SEC22C: variants seen among roughly 807,000 people sequenced by gnomAD.
SEC22C encodes vesicle-trafficking protein SEC22c.
SEC22C carries 29 observed loss-of-function variants against 34.7 expected under a neutral mutation model. The ratio of observed to expected loss-of-function variants is 0.84; its 90% CI spans 0.62 to 1.14. SEC22C has a LOEUF of 1.14. Among genes scored for constraint, SEC22C ranks in the 50% most tolerant of loss-of-function variants. The probability of loss-of-function intolerance (pLI) is 0.00; values close to 1 mark genes in which losing one functional copy is unlikely to be tolerated. For missense variants in SEC22C, 337 were observed against 369.0 expected, an observed-to-expected ratio of 0.91 and a Z score of 0.71; for synonymous variants, 117 against 132.8, an observed-to-expected ratio of 0.88 and a Z score of 0.82.
chr3:42,567,632 G>A (rs968610203), intron 2 of SEC22C, among the ~76,000 whole-genome samples: 2 of 152,112 alleles, frequency 1.3e-5, no homozygotes, highest in African/African-American at 4.8e-5. Context: ...GTAATCACTT[G>A]ATTCCTACTT....
At chr3:42,600,203 G>A (rs1392966020) in intron 1 of SEC22C, among the ~76,000 whole-genome samples, 2 of 152,156 alleles carry the variant, frequency 1.3e-5, no homozygotes, top group Non-Finnish European at 2.9e-5. Context: ...AGTGACGCTG[G>A]TGCCAAAGCG....
intron 1 of SEC22C, among the ~76,000 whole-genome samples, chr3:42,576,661 T>G (rs1703984717): frequency 6.6e-6 from 1 of 151,966 alleles, no homozygotes; most frequent in Non-Finnish European, 1.5e-5. Context: ...TCATGTTTTA[T>G]GGATTGGAAG....
intron 1 of SEC22C, 137 bp from the exon 2 acceptor site, chr3:42,569,210 C>T: frequency 1.6e-6 from 1 of 634,680 alleles, no homozygotes; most frequent in Non-Finnish European, 2.8e-6. Flanking sequence ...ATTGTTATTT[C>T]CCTGGCCTCT....
At chr3:42,573,200 A>G (rs1208889311) in intron 1 of SEC22C, among the ~76,000 whole-genome samples, 1 of 152,230 alleles carries the variant, frequency 6.6e-6, no homozygotes, top group East Asian at 1.9e-4. Context: ...AACAGAAGAT[A>G]TAAAAACTAA....
rs1702188337 is a variant in SEC22C at position 42,550,345 on chromosome 3, T to C, written c.*2903A>G. The C allele has an allele frequency of 1.0e-6, 1 of 985,318 alleles. No homozygotes were observed. Among genetic ancestry groups the C allele is most frequent in the African/African-American group, 1.7e-5 (1 of 57,234 alleles). 61.0% of individuals were successfully genotyped at this position (985,318 alleles called of 1,614,324 possible). A position where few individuals can be genotyped will look rare whatever the true frequency, so the allele number is the denominator to read the frequency against. On this transcript the variant is annotated 3_prime_UTR_variant, in exon 7 of 7. Coordinates refer to ENST00000264454, the MANE Select transcript of SEC22C (RefSeq NM_032970.4). ...AAGTGCTACAACAACAGTGAGTCCA[T>C]GGTGGAGTGAGGATAACTCCTGGGA...
At position 42,553,089 on chromosome 3, in the gene SEC22C, T is replaced by A; in HGVS notation, c.*159A>T. 6.9e-7 allele frequency: 1 copy of A among 1,441,840 alleles called. No individual in the cohort carries two copies. Among genetic ancestry groups the A allele is most frequent in the Non-Finnish European group, 9.1e-7 (1 of 1,104,924 alleles). The allele number at this position is 1,441,840 out of a possible 1,614,324, so 89.3% of individuals were successfully genotyped here. On this transcript the variant is annotated 3_prime_UTR_variant, in exon 7 of 7. Coordinates refer to ENST00000264454, the MANE Select transcript of SEC22C (RefSeq NM_032970.4). ...CAAGGCTGGGTATCAAGCAACCTCA[T>A]GACTTCCACTGCAACTGTTTAACAT...
chr3:42,575,642 A>G lies in SEC22C; in HGVS notation c.-28+6204T>C, dbSNP rs115019513. On this transcript the variant is annotated intron_variant, in intron 1 of 6. Transcript: ENST00000264454. ...AAGTGAAGCAAAAACTCATAAAGTGAAAGGAGGAACAGACAAATCCATAGT... is the reference window on the plus strand; with the variant it reads ...AAGTGAAGCAAAAACTCATAAAGTGGAAGGAGGAACAGACAAATCCATAGT... Among the ~76,000 whole-genome samples, 458 of 152,368 alleles carry G rather than the reference A, an allele frequency of 3.0e-3. 3 individuals are homozygous for G. The highest frequency in any genetic ancestry group is 0.011 in the African/African-American group (442 of 41,584).
At chr3:42,555,038 A>G (rs1162042523) in intron 6 of SEC22C, among the ~76,000 whole-genome samples, 2 of 152,144 alleles carry the variant, frequency 1.3e-5, no homozygotes. Context: ...ATATATGTAT[A>G]TATTTTTTAA....
rs9843240 is a variant in SEC22C, at chr3:42,568,015, T to C, written c.182+850A>G. On this transcript the variant is annotated intron_variant, in intron 2 of 6. Transcript: ENST00000264454. ...TGAACCCAGGAGGCAGAGGTTGCAGTGTGCAGAGAGTTTGCCACTGCACTC... is the reference window on the plus strand; with the variant it reads ...TGAACCCAGGAGGCAGAGGTTGCAGCGTGCAGAGAGTTTGCCACTGCACTC... Among the ~76,000 whole-genome samples the C allele has an allele frequency of 7.1e-3, 1,081 of 152,160 alleles. 17 individuals are homozygous for C. The highest frequency in any genetic ancestry group is 0.025 in the African/African-American group (1,025 of 41,510).
chr3:42,548,638 C>A lies in SEC22C; in HGVS notation c.*4610G>T, dbSNP rs147282416. ...GGCTCACGAGGTTTGGTCCAACCAGCAGAACCAGCTCCTTGGATCCTGGAA... is the reference window on the plus strand; with the variant it reads ...GGCTCACGAGGTTTGGTCCAACCAGAAGAACCAGCTCCTTGGATCCTGGAA... On this transcript the variant is annotated 3_prime_UTR_variant, in exon 7 of 7. Coordinates refer to ENST00000264454, the MANE Select transcript of SEC22C (RefSeq NM_032970.4). 6.2e-7 allele frequency: 1 copy of A among 1,613,864 alleles called. No homozygotes were observed. Among genetic ancestry groups the A allele is most frequent in the African/African-American group, 1.3e-5 (1 of 74,918 alleles).
At chr3:42,579,189 G>A (rs1027916342) in intron 1 of SEC22C, among the ~76,000 whole-genome samples, 3 of 151,720 alleles carry the variant, frequency 2.0e-5, no homozygotes, top group Non-Finnish European at 2.9e-5. Context: ...AGGCAGGAGA[G>A]TCACTTGAAC....
chr3:42,598,278 T>C (rs1293468403), intron 1 of SEC22C, among the ~76,000 whole-genome samples: 1 of 151,692 alleles, frequency 6.6e-6, no homozygotes, highest in Non-Finnish European at 1.5e-5. Context: ...ACAACATGGA[T>C]GAAATGGAAG....
At chr3:42,582,951 TC>T (rs2125733376), upstream of SEC22C, among the ~76,000 whole-genome samples, 1 of 152,298 alleles carries the variant, frequency 6.6e-6, no homozygotes, top group African/African-American at 2.4e-5. Context: ...GTAGTGATGA[TC>T]ACACAACAAT....
rs778689117 is a variant in SEC22C at position 42,549,797 on chromosome 3, G to A, written c.*3451C>T. On this transcript the variant is annotated 3_prime_UTR_variant, in exon 7 of 7. Transcript: ENST00000264454. Reference sequence around the variant, plus strand: ...CAAGAGCACCTAGAAAAGAACAGAGGAGCTCAAGCTCATTTAATCAAAATG... The same window carrying A: ...CAAGAGCACCTAGAAAAGAACAGAGAAGCTCAAGCTCATTTAATCAAAATG... The A allele has an allele frequency of 1.4e-5, 14 of 985,458 alleles. No homozygotes were observed. Among genetic ancestry groups the A allele is most frequent in the Non-Finnish European group, 1.7e-5 (14 of 829,952 alleles). The allele number at this position is 985,458 out of a possible 1,614,324, so 61.0% of individuals were successfully genotyped here.
intron 2 of SEC22C, among the ~76,000 whole-genome samples, chr3:42,565,110 A>G (rs781727682): frequency 2.0e-5 from 3 of 152,068 alleles, no homozygotes; most frequent in Non-Finnish European, 2.9e-5. Flanking sequence ...CCAAGCTCCA[A>G]TTTTATGGTG....
intron 5 of SEC22C, 21 bp downstream of exon 5, chr3:42,557,557 T>TTAAAAAA: frequency 9.9e-7 from 1 of 1,005,094 alleles, no homozygotes; most frequent in South Asian, 1.7e-5. Context: ...TAAACTGTTT[T>TTAAAAAA]AAAAAAAAAA....
intron 2 of SEC22C, among the ~76,000 whole-genome samples, chr3:42,567,610 AC>A (rs1427536766): frequency 6.6e-6 from 1 of 152,226 alleles, no homozygotes; most frequent in Non-Finnish European, 1.5e-5. Context: ...AGTTATTGTA[AC>A]CAGGATTATT....
chr3:42,558,445 G>A (rs920409915), intron 4 of SEC22C, among the ~76,000 whole-genome samples: 3 of 141,376 alleles, frequency 2.1e-5, no homozygotes, highest in African/African-American at 5.5e-5. Flanking sequence ...CCATGATTGC[G>A]CCCCTGCACT....
At chr3:42,582,453 AC>A (rs1269145798), upstream of SEC22C, 5 of 152,316 alleles carry the variant, frequency 3.3e-5, no homozygotes, top group East Asian at 9.6e-4. Context: ...AGGGGGACAC[AC>A]CCCAAGCTGG....
Sources: allele counts gnomAD v4.1 joint callset (sites outside exome capture counted in the v4.1 genomes callset), GRCh38; gene constraint gnomAD v4.1.1; transcripts MANE v1.5; gene names NCBI Gene and HGNC (gene_info 2026-07-23, HGNC 2026-07-21).